Variants in KLKB1 observed in about 807,000 individuals in gnomAD.
KLKB1 encodes the protein kallikrein B1.
KLKB1 carries 58 observed loss-of-function variants against 73.6 expected under a neutral mutation model. The ratio of observed to expected loss-of-function variants is 0.79; its 90% CI spans 0.64 to 0.98. The LOEUF is 0.98. Among genes scored for constraint, KLKB1 ranks in the 50% least tolerant of loss-of-function variants. The pLI is 0.00. For missense variants in KLKB1, 737 were observed against 763.8 expected, an observed-to-expected ratio of 0.96 and a Z score of 0.41; for synonymous variants, 280 against 258.1, an observed-to-expected ratio of 1.08 and a Z score of -0.81.
chr4:186,239,831 T>G (rs1485176861), intron 6 of KLKB1, among the ~76,000 whole-genome samples: 1 of 150,948 alleles, frequency 6.6e-6, no homozygotes, highest in Non-Finnish European at 1.5e-5. Flanking sequence ...ACAGTGATAC[T>G]GTTATAGTTA....
At chr4:186,256,995 C>CTG (rs1384555268) in intron 13 of KLKB1, among the ~76,000 whole-genome samples, 19 of 67,592 alleles carry the variant, frequency 2.8e-4, no homozygotes, top group African/African-American at 7.0e-4. Context: ...CTGTCTCTCT[C>CTG]TCTCTGTGTG....
At chr4:186,238,168 C>G in intron 5 of KLKB1, 88 bp from the exon 6 acceptor site, 1 of 843,510 alleles carries the variant, frequency 1.2e-6, no homozygotes, top group South Asian at 1.4e-5. Flanking sequence ...TGTTTTTCCA[C>G]TGTGCATTTT....
chr4:186,248,962 G>GAATA (rs1163733159), intron 6 of KLKB1, among the ~76,000 whole-genome samples: 2 of 152,076 alleles, frequency 1.3e-5, no homozygotes, highest in African/African-American at 4.8e-5. Context: ...TTTTCAATTT[G>GAATA]AATACATTCT....
intron 14 of KLKB1, 140 bp downstream of exon 14, chr4:186,257,505 T>C (rs567252234): frequency 1.9e-6 from 1 of 539,806 alleles, no homozygotes; most frequent in South Asian, 3.7e-5. Context: ...AAGCAACTTT[T>C]AACAAATTGA....
rs1188397638 is a variant in KLKB1, at chr4:186,252,094, C to G, written c.1222C>G (p.Leu408Val). ...GGGAGAGTGGCCCTGGCAGGTGAGC[C>G]TGCAGGTGAAGCTGACAGCTCAGAG... The part of the protein sequence containing the change: ...SWGEWPWQVS[L>V]QVKLTAQRHL... Residue 408 changes from leucine to valine, a missense_variant, in exon 11 of 15, where the codon CTG becomes GTG. Leu to Val is a conservative substitution (Grantham distance 32, BLOSUM62 1). Transcript: ENST00000264690. 4 of 1,614,032 alleles carry G rather than the reference C, an allele frequency of 2.5e-6. No individual in the cohort carries two copies. Among genetic ancestry groups the G allele is most frequent in the South Asian group, 1.1e-5 (1 of 91,084 alleles).
At chr4:186,233,206 C>T (rs553305663) in intron 3 of KLKB1, among the ~76,000 whole-genome samples, 77 of 152,324 alleles carry the variant, frequency 5.1e-4, no homozygotes, top group African/African-American at 1.7e-3. Flanking sequence ...AGCCACCGCA[C>T]CCAGCGGTAA....
chr4:186,237,128 G>C (rs756050370), intron 5 of KLKB1, among the ~76,000 whole-genome samples, 188 bp downstream of exon 5: 1 of 151,312 alleles, frequency 6.6e-6, no homozygotes, highest in East Asian at 1.9e-4. Context: ...AGATGGAGTC[G>C]CGCTCTGTCG....
intron 10 of KLKB1, 35 bp from the exon 11 acceptor site, chr4:186,251,982 A>G: frequency 1.2e-6 from 2 of 1,614,142 alleles, no homozygotes; most frequent in Non-Finnish European, 1.7e-6. Flanking sequence ...ATTCACTTCT[A>G]ATTCCAACCA....
chr4:186,212,430 T>G (rs1736755054), intron 2 of KLKB1: 1 of 152,266 alleles, frequency 6.6e-6, no homozygotes, highest in East Asian at 1.9e-4. Flanking sequence ...TCACTGAATT[T>G]TAATTTGATA....
intron 13 of KLKB1, among the ~76,000 whole-genome samples, chr4:186,256,954 C>A (rs927634886): frequency 6.7e-5 from 10 of 150,308 alleles, no homozygotes; most frequent in African/African-American, 2.2e-4. Flanking sequence ...GAGGACAGTA[C>A]AGGGTGCCGT....
intron 5 of KLKB1, 44 bp downstream of exon 5, chr4:186,236,984 A>T (rs1448597373): frequency 6.3e-7 from 1 of 1,595,076 alleles, no homozygotes; most frequent in East Asian, 2.2e-5. Context: ...TGGTGCCTCC[A>T]GGATTTCACT....
intron 7 of KLKB1, 36 bp from the exon 8 acceptor site, chr4:186,251,183 C>T (rs374294892): frequency 2.6e-5 from 37 of 1,432,212 alleles, no homozygotes; most frequent in Non-Finnish European, 3.4e-5. Context: ...ATGCAAATTT[C>T]TTTCTTTCTC....
chr4:186,241,851 G>A (rs1378383588), intron 6 of KLKB1, among the ~76,000 whole-genome samples: 2 of 152,124 alleles, frequency 1.3e-5, no homozygotes, highest in African/African-American at 2.4e-5. Context: ...CTGGTTGCTT[G>A]GCCAAAATAT....
At chr4:186,257,906 A>G in intron 14 of KLKB1, 115 bp from the exon 15 acceptor site, 1 of 955,158 alleles carries the variant, frequency 1.0e-6, no homozygotes, top group Non-Finnish European at 1.7e-6. Context: ...AAAAATATGA[A>G]AGTATCTGTG....
intron 13 of KLKB1, among the ~76,000 whole-genome samples, chr4:186,256,932 C>T (rs1001478389): frequency 3.3e-5 from 5 of 151,942 alleles, no homozygotes; most frequent in African/African-American, 9.7e-5. Flanking sequence ...CCCAACACCA[C>T]GTAGGCAATA....
upstream of KLKB1, among the ~76,000 whole-genome samples, chr4:186,226,133 T>C (rs1737160340): frequency 6.6e-6 from 1 of 152,146 alleles, no homozygotes; most frequent in Admixed American, 6.5e-5. Context: ...CCTATCTATC[T>C]TTTTGTTGAA....
Position 186,228,248 on chromosome 4 carries a change from C to A in KLKB1, c.53C>A (p.Ser18Tyr). ...TYFISLFATV[S>Y]CGCLTQLYEN... ...TTCATTTCCTTGTTTGCTACAGTTT[C>A]CTGTGGTAAGTGAATTATCTATAAA... Residue 18 changes from serine to tyrosine, a missense_variant, in exon 2 of 15, where the codon TCC becomes TAC. Ser to Tyr is a moderately radical substitution (Grantham distance 144, BLOSUM62 -2). Coordinates refer to ENST00000264690, the MANE Select transcript of KLKB1 (RefSeq NM_000892.5). 1 of 1,592,534 alleles carries A rather than the reference C, an allele frequency of 6.3e-7. No individual in the cohort carries two copies. Among genetic ancestry groups the A allele is most frequent in the East Asian group, 2.2e-5 (1 of 44,782 alleles).
chr4:186,249,379 G>A (rs1580024557), intron 6 of KLKB1, among the ~76,000 whole-genome samples: 1 of 152,186 alleles, frequency 6.6e-6, no homozygotes, highest in East Asian at 1.9e-4. Context: ...TGGGTATTCA[G>A]TTATTCCATT....
intron 3 of KLKB1, among the ~76,000 whole-genome samples, chr4:186,232,931 G>A (rs1273753058): frequency 6.6e-6 from 1 of 152,148 alleles, no homozygotes; most frequent in Non-Finnish European, 1.5e-5. Context: ...TTGTGTGTGT[G>A]TGTGATGGAG....
Sources: gnomAD v4.1 joint callset for allele counts (sites outside exome capture counted in the v4.1 genomes callset) on GRCh38, gnomAD v4.1.1 for gene constraint, MANE v1.5 for transcripts, NCBI Gene and HGNC (gene_info 2026-07-23, HGNC 2026-07-21) for gene names.